Variants in PTAR1 observed in about 807,000 individuals in gnomAD.
The protein encoded by PTAR1 is protein prenyltransferase alpha subunit repeat-containing protein 1.
PTAR1 carries 17 observed loss-of-function variants against 45.5 expected under a neutral mutation model. That is an observed-to-expected ratio of 0.37 (90% CI 0.26 to 0.56). The LOEUF is 0.56. PTAR1 is among the 20% of genes least tolerant of loss of function. The pLI, the probability that PTAR1 is intolerant of heterozygous loss-of-function variation, is 0.77. For synonymous variants in PTAR1, 169 were observed against 171.3 expected (o/e 0.99, Z 0.11); for missense variants, 391 against 476.3 (o/e 0.82, Z 1.67).
chr9:69,748,922 A>G lies in PTAR1; in HGVS notation c.256+1859T>C, dbSNP rs1197029817. On this transcript the variant is annotated intron_variant, in intron 2 of 7. Transcript: ENST00000340434. ...GACACCATACTAAATTATGCTATCC[A>G]CCCCCCTCAAAATAGTCAAATTAAA... Among the ~76,000 whole-genome samples the G allele has an allele frequency of 3.9e-5, 6 of 151,930 alleles. No individual in the cohort carries two copies. In the East Asian group the frequency reaches 1.2e-3, roughly 29 times the overall value.
rs1824568450 is a variant in PTAR1 at position 69,712,608 on chromosome 9, A to G, written c.*5734T>C. The G allele has an allele frequency of 6.6e-6, 1 of 152,182 alleles. No individual in the cohort carries two copies. The highest frequency in any genetic ancestry group is 2.4e-5 in the African/African-American group (1 of 41,458). 9.4% of individuals were successfully genotyped at this position (152,182 alleles called of 1,614,324 possible). On this transcript the variant is annotated 3_prime_UTR_variant, in exon 8 of 8. Transcript: ENST00000340434. ...AACTCTTGACTTGTTGAATTCCTACAATGTGCAAGGCAGTATGCAATGTGT... is the reference window on the plus strand; with the variant it reads ...AACTCTTGACTTGTTGAATTCCTACGATGTGCAAGGCAGTATGCAATGTGT...
intron 5 of PTAR1, among the ~76,000 whole-genome samples, chr9:69,724,412 CA>C (rs1375597571): frequency 6.6e-6 from 1 of 152,162 alleles, no homozygotes; most frequent in Non-Finnish European, 1.5e-5. Flanking sequence ...GGACAGGTCG[CA>C]AACATAAATC....
At chr9:69,737,997 T>G (rs976372155) in intron 3 of PTAR1, among the ~76,000 whole-genome samples, 1 of 152,142 alleles carries the variant, frequency 6.6e-6, no homozygotes, top group Non-Finnish European at 1.5e-5. Context: ...TTATTAAAAG[T>G]CCATACTTTA....
intron 5 of PTAR1, among the ~76,000 whole-genome samples, chr9:69,724,847 G>A (rs549171891): frequency 1.2e-3 from 185 of 152,172 alleles, no homozygotes; most frequent in African/African-American, 4.4e-3. Context: ...AATAAATAAG[G>A]CAAATAGTAA....
chr9:69,733,885 C>T (rs190946612), intron 4 of PTAR1, among the ~76,000 whole-genome samples: 6 of 152,172 alleles, frequency 3.9e-5, no homozygotes, highest in East Asian at 3.9e-4. Flanking sequence ...CATTAACTCA[C>T]GTAAACTTGA....
chr9:69,757,754 TTAAAAAA>T (rs2134181802), intron 1 of PTAR1: 1 of 32,472 alleles, frequency 3.1e-5, no homozygotes, highest in Non-Finnish European at 1.3e-4. Context: ...AAACAATGCC[TTAAAAAA>T]AAAAAAAGAA....
At chr9:69,755,138 A>ATTACCTGC (rs1442309645) in intron 1 of PTAR1, among the ~76,000 whole-genome samples, 2 of 152,150 alleles carry the variant, frequency 1.3e-5, no homozygotes, top group African/African-American at 4.8e-5. Flanking sequence ...AAGGTATTCA[A>ATTACCTGC]TTACCTGCAT....
intron 4 of PTAR1, among the ~76,000 whole-genome samples, chr9:69,733,450 T>C (rs1230987141): frequency 6.6e-6 from 1 of 152,182 alleles, no homozygotes; most frequent in African/African-American, 2.4e-5. Flanking sequence ...GACTTCTTCA[T>C]TGGTCCTGAC....
chr9:69,733,826 C>G (rs1199804283), intron 4 of PTAR1, among the ~76,000 whole-genome samples: 1 of 152,052 alleles, frequency 6.6e-6, no homozygotes, highest in Non-Finnish European at 1.5e-5. Flanking sequence ...TAATAGCTAA[C>G]ATTTATTGAG....
At chr9:69,742,453 C>G (rs911603817) in intron 2 of PTAR1, among the ~76,000 whole-genome samples, 2 of 152,062 alleles carry the variant, frequency 1.3e-5, no homozygotes, top group Non-Finnish European at 2.9e-5. Flanking sequence ...GCATAACAAT[C>G]CCTTAGTCCT....
intron 5 of PTAR1, among the ~76,000 whole-genome samples, chr9:69,731,468 A>T (rs1825534635): frequency 6.6e-6 from 1 of 152,216 alleles, no homozygotes; most frequent in South Asian, 2.1e-4. Context: ...ATGAATAATA[A>T]GTGGTACAAC....
At chr9:69,733,219 C>T (rs762881337) in intron 4 of PTAR1, among the ~76,000 whole-genome samples, 1 of 152,058 alleles carries the variant, frequency 6.6e-6, no homozygotes, top group Non-Finnish European at 1.5e-5. Flanking sequence ...CATCCCTTTC[C>T]AAACCCCCAT....
chr9:69,750,333 A>G (rs917324860), intron 2 of PTAR1, among the ~76,000 whole-genome samples: 11 of 152,132 alleles, frequency 7.2e-5, no homozygotes, highest in Admixed American at 2.6e-4. Flanking sequence ...GGTTCATAAT[A>G]TCACTACCAC....
At chr9:69,748,122 A>G (rs1359127731) in intron 2 of PTAR1, among the ~76,000 whole-genome samples, 1 of 152,176 alleles carries the variant, frequency 6.6e-6, no homozygotes, top group Non-Finnish European at 1.5e-5. Flanking sequence ...TGTCTGGATG[A>G]GAAATAATGA....
intron 1 of PTAR1, among the ~76,000 whole-genome samples, chr9:69,754,285 T>A (rs987029083): frequency 6.6e-6 from 1 of 152,154 alleles, no homozygotes; most frequent in Non-Finnish European, 1.5e-5. Context: ...ATGAGGATTA[T>A]CTAAGGTCAT....
At chr9:69,737,792 T>C (rs896373350) in intron 3 of PTAR1, among the ~76,000 whole-genome samples, 2 of 152,344 alleles carry the variant, frequency 1.3e-5, no homozygotes, top group South Asian at 2.1e-4. Flanking sequence ...TTGAGCCATA[T>C]GAAATTGCTG....
At chr9:69,725,636 C>A (rs979757433) in intron 5 of PTAR1, among the ~76,000 whole-genome samples, 11 of 151,670 alleles carry the variant, frequency 7.3e-5, no homozygotes, top group African/African-American at 2.7e-4. Flanking sequence ...AAATCAATTT[C>A]TTAAAAAAAT....
At chr9:69,729,719 G>A (rs1825448963) in intron 5 of PTAR1, among the ~76,000 whole-genome samples, 1 of 152,138 alleles carries the variant, frequency 6.6e-6, no homozygotes, top group Admixed American at 6.5e-5. Flanking sequence ...GCAAATTGGT[G>A]GTAAAGCCAG....
At chr9:69,735,206 G>A (rs1825729939) in intron 3 of PTAR1, among the ~76,000 whole-genome samples, 1 of 152,162 alleles carries the variant, frequency 6.6e-6, no homozygotes, top group South Asian at 2.1e-4. Flanking sequence ...CCCAACCAAA[G>A]CTTCAATGCA....
Sources: gnomAD v4.1 joint callset for allele counts (sites outside exome capture counted in the v4.1 genomes callset) on GRCh38, gnomAD v4.1.1 for gene constraint, MANE v1.5 for transcripts, NCBI Gene and HGNC (gene_info 2026-07-23, HGNC 2026-07-21) for gene names.